Variants in ITGA8 observed in about 807,000 individuals in gnomAD.
The protein encoded by ITGA8 is integrin subunit alpha 8.
In ITGA8, 91 loss-of-function variants were observed where a neutral mutation model predicts 142.3. The observed-to-expected ratio is 0.64, with a 90% CI of 0.54 to 0.76. ITGA8 has a LOEUF of 0.76. Among genes scored for constraint, ITGA8 ranks in the 30% least tolerant of loss-of-function variants. The pLI is 0.00. For synonymous variants in ITGA8, 505 were observed against 485.2 expected, an observed-to-expected ratio of 1.04 and a Z score of -0.54; for missense variants, 1,406 against 1,327.7, an observed-to-expected ratio of 1.06 and a Z score of -0.92.
At chr10:15,701,021 G>C (rs1476048784) in intron 2 of ITGA8, among the ~76,000 whole-genome samples, 3 of 152,136 alleles carry the variant, frequency 2.0e-5, no homozygotes, top group Admixed American at 1.3e-4. Flanking sequence ...CTTCACCTCT[G>C]CATTTTCCAG....
At chr10:15,602,777 T>G (rs1028334863) in intron 20 of ITGA8, among the ~76,000 whole-genome samples, 1 of 152,052 alleles carries the variant, frequency 6.6e-6, no homozygotes, top group African/African-American at 2.4e-5. Flanking sequence ...GGGATGATTA[T>G]AAACCACTCA....
intron 8 of ITGA8, among the ~76,000 whole-genome samples, chr10:15,664,641 T>C (rs1477603283): frequency 6.6e-6 from 1 of 151,618 alleles, no homozygotes; most frequent in African/African-American, 2.4e-5. Context: ...GCATTAGGTA[T>C]ATCTCCTAAT....
chr10:15,606,392 G>T lies in ITGA8; in HGVS notation c.1795C>A (p.Pro599Thr). 6.2e-7 allele frequency: 1 copy of T among 1,602,962 alleles called. No individual in the cohort carries two copies. Among genetic ancestry groups the T allele is most frequent in the Non-Finnish European group, 8.5e-7 (1 of 1,171,280 alleles). The change falls in exon 18 of 30, where the codon CCA becomes ACA. Residue 599 changes from proline (P) to threonine (T), a missense_variant. Coordinates refer to ENST00000378076, the MANE Select transcript of ITGA8 (RefSeq NM_003638.3). Reference protein sequence around the residue: ...DETEFRDKLSPINISLNYSLD... With the variant: ...DETEFRDKLSTINISLNYSLD... ...CTGTAATTCAAACTAATGTTGATTGGAGATAATTTATCTCGGAATTCAGTT... is the reference window on the plus strand; with the variant it reads ...CTGTAATTCAAACTAATGTTGATTGTAGATAATTTATCTCGGAATTCAGTT...
intron 13 of ITGA8, among the ~76,000 whole-genome samples, chr10:15,624,240 T>G (rs1278604705): frequency 1.3e-5 from 2 of 152,218 alleles, no homozygotes. Flanking sequence ...GTGTTGTATG[T>G]CAGGTGCAAA....
At chr10:15,587,541 C>T (rs929371757) in intron 22 of ITGA8, among the ~76,000 whole-genome samples, 3 of 152,146 alleles carry the variant, frequency 2.0e-5, no homozygotes, top group African/African-American at 7.2e-5. Flanking sequence ...AGCATATATT[C>T]ACTGCATACT....
At chr10:15,672,495 C>T in intron 7 of ITGA8, 129 bp downstream of exon 7, 1 of 1,112,106 alleles carries the variant, frequency 9.0e-7, no homozygotes, top group Non-Finnish European at 1.3e-6. Flanking sequence ...AAAATTGAGT[C>T]CACTCTAATA....
chr10:15,715,501 C>G (rs1835434382), intron 2 of ITGA8, among the ~76,000 whole-genome samples: 1 of 152,184 alleles, frequency 6.6e-6, no homozygotes, highest in Admixed American at 6.5e-5. Context: ...ACCTCTATTC[C>G]AGTCCTGCCT....
intron 28 of ITGA8, among the ~76,000 whole-genome samples, chr10:15,521,021 GTTTC>G (rs1833056708): frequency 6.6e-6 from 1 of 152,034 alleles, no homozygotes; most frequent in African/African-American, 2.4e-5. Flanking sequence ...TTGTGTATTT[GTTTC>G]TTTGTTTTTG....
intron 2 of ITGA8, among the ~76,000 whole-genome samples, chr10:15,707,835 A>C (rs1398669942): frequency 1.3e-5 from 2 of 151,274 alleles, no homozygotes; most frequent in Non-Finnish European, 2.9e-5. Flanking sequence ...AAAAAAAAAA[A>C]GGAAAGAAAA....
intron 10 of ITGA8, among the ~76,000 whole-genome samples, chr10:15,655,675 G>A (rs527844835): frequency 4.8e-4 from 73 of 152,194 alleles, no homozygotes; most frequent in Non-Finnish European, 8.2e-4. Flanking sequence ...CACAGCTATC[G>A]GAATGTTCAC....
intron 15 of ITGA8, among the ~76,000 whole-genome samples, chr10:15,609,810 A>T (rs537446508): frequency 3.9e-5 from 6 of 152,348 alleles, no homozygotes; most frequent in African/African-American, 1.4e-4. Context: ...TATAAAATAA[A>T]TTCCTATTTG....
intron 8 of ITGA8, among the ~76,000 whole-genome samples, chr10:15,669,911 C>T (rs962465124): frequency 6.6e-6 from 1 of 152,182 alleles, no homozygotes; most frequent in Non-Finnish European, 1.5e-5. Context: ...TGTGAGGTGT[C>T]AGTCCGCCGC....
intron 6 of ITGA8, among the ~76,000 whole-genome samples, chr10:15,674,667 C>T (rs1188850385): frequency 1.3e-5 from 2 of 152,116 alleles, no homozygotes; most frequent in African/African-American, 2.4e-5. Context: ...TGTGGTGGCT[C>T]ATGCCTGTAA....
rs141370568 is a variant in ITGA8 at position 15,578,957 on chromosome 10, C to A, written c.2373-3363G>T. Reference sequence around the variant, plus strand: ...ATGGAACAATTCTCAGTATTTTTTCCCACCCAAATAAATGAATCCATTTTT... The same window carrying A: ...ATGGAACAATTCTCAGTATTTTTTCACACCCAAATAAATGAATCCATTTTT... On this transcript the variant is annotated intron_variant, in intron 23 of 29. Coordinates refer to ENST00000378076, the MANE Select transcript of ITGA8 (RefSeq NM_003638.3). Among the ~76,000 whole-genome samples, 1,147 of 151,952 alleles carry A rather than the reference C, an allele frequency of 7.5e-3. 13 individuals carry two copies. The highest frequency in any genetic ancestry group is 0.026 in the African/African-American group (1,072 of 41,480).
chr10:15,648,322 A>G (rs1214245811), intron 11 of ITGA8, among the ~76,000 whole-genome samples: 1 of 152,018 alleles, frequency 6.6e-6, no homozygotes, highest in Non-Finnish European at 1.5e-5. Flanking sequence ...TTTTATGCCT[A>G]TGTAGATTAG....
intron 13 of ITGA8, among the ~76,000 whole-genome samples, chr10:15,625,693 C>A (rs552675508): frequency 6.6e-6 from 1 of 152,174 alleles, no homozygotes; most frequent in South Asian, 2.1e-4. Flanking sequence ...TGTTGAAGTC[C>A]TAACTGCCAG....
intron 22 of ITGA8, among the ~76,000 whole-genome samples, chr10:15,587,532 G>A (rs1317413542): frequency 1.3e-5 from 2 of 152,176 alleles, no homozygotes; most frequent in African/African-American, 4.8e-5. Flanking sequence ...ATTAAAATAA[G>A]CATATATTCA....
rs375776603 is a variant in ITGA8, at chr10:15,607,745, G to A, written c.1696C>T (p.Arg566Cys). ...CTTTTTATCACAAGAGGGAAGACGC[G>A]ATGAGCCTGATGGTTATCAAGGAAG... Reference protein sequence around the residue: ...TLFLDNHQAHRVFPLVIKRQK... With the variant: ...TLFLDNHQAHCVFPLVIKRQK... The change falls in exon 17 of 30, where the codon CGC becomes TGC. Residue 566 changes from arginine to cysteine, a missense_variant. By Grantham distance (180) the Arg-to-Cys change is radical. Transcript: ENST00000378076. 4 of 1,613,406 alleles carry A rather than the reference G, an allele frequency of 2.5e-6. No individual in the cohort carries two copies. Among genetic ancestry groups the A allele is most frequent in the African/African-American group, 1.3e-5 (1 of 74,892 alleles).
At chr10:15,668,413 C>G in intron 8 of ITGA8, among the ~76,000 whole-genome samples, 1 of 148,262 alleles carries the variant, frequency 6.7e-6, no homozygotes. Context: ...CTATGTGTGT[C>G]TCTGCACGTG....
Sources: allele counts gnomAD v4.1 joint callset (sites outside exome capture counted in the v4.1 genomes callset), GRCh38; gene constraint gnomAD v4.1.1; transcripts MANE v1.5; gene names NCBI Gene and HGNC (gene_info 2026-07-23, HGNC 2026-07-21).